STPG2: variants seen among roughly 807,000 people sequenced by gnomAD.
STPG2 encodes sperm tail PG-rich repeat containing 2, also known as sperm-tail PG-rich repeat-containing protein 2.
In STPG2, 56 loss-of-function variants were observed where a neutral mutation model predicts 54.2. That is an observed-to-expected ratio of 1.03 (90% CI 0.83 to 1.29). STPG2 has a LOEUF of 1.29. Among genes scored for constraint, STPG2 ranks in the 50% most tolerant of loss-of-function variants. The probability of loss-of-function intolerance (pLI) is 0.00; values close to 1 mark genes in which losing one functional copy is unlikely to be tolerated. For missense variants in STPG2, 596 were observed against 544.9 expected (o/e 1.09, Z -0.93); for synonymous variants, 200 against 181.8 (o/e 1.10, Z -0.81).
At chr4:98,084,415 G>A (rs1290340492) in intron 5 of STPG2, among the ~76,000 whole-genome samples, 1 of 152,126 alleles carries the variant, frequency 6.6e-6, no homozygotes, top group Non-Finnish European at 1.5e-5. Flanking sequence ...AAATAAAGCT[G>A]CCATGAAAAT....
chr4:97,981,835 A>T (rs1293165292), intron 5 of STPG2, among the ~76,000 whole-genome samples: 2 of 49,346 alleles, frequency 4.1e-5, no homozygotes, highest in African/African-American at 1.7e-4. Context: ...TAAAATGTTT[A>T]TATATATATA....
intron 5 of STPG2, among the ~76,000 whole-genome samples, chr4:98,012,411 T>C (rs997433392): frequency 2.0e-5 from 3 of 152,206 alleles, no homozygotes; most frequent in Admixed American, 2.0e-4. Flanking sequence ...TCTTTTTGCT[T>C]AGGATTGTCT....
At chr4:97,895,533 C>G (rs140573538) in intron 8 of STPG2, among the ~76,000 whole-genome samples, 2 of 151,740 alleles carry the variant, frequency 1.3e-5, no homozygotes, top group African/African-American at 2.4e-5. Flanking sequence ...CAATGGTTTG[C>G]ATGATTCCCT....
At chr4:98,048,047 A>G (rs1737193942) in intron 5 of STPG2, among the ~76,000 whole-genome samples, 1 of 152,172 alleles carries the variant, frequency 6.6e-6, no homozygotes, top group South Asian at 2.1e-4. Flanking sequence ...AAACTATACA[A>G]GTGACTACCA....
chr4:97,572,523 C>A (rs989292460), intron 10 of STPG2: 1 of 152,052 alleles, frequency 6.6e-6, no homozygotes, highest in Non-Finnish European at 1.5e-5. Flanking sequence ...TAAATGACAT[C>A]TTGTATGTTT....
intron 9 of STPG2, among the ~76,000 whole-genome samples, chr4:97,818,839 T>G (rs1442608909): frequency 1.3e-5 from 2 of 151,358 alleles, no homozygotes; most frequent in Non-Finnish European, 3.0e-5. Flanking sequence ...CTGTGTACTA[T>G]ACATGGAATA....
chr4:97,444,933 A>G (rs1290475681), intron 4 of STPG2, among the ~76,000 whole-genome samples: 1 of 152,132 alleles, frequency 6.6e-6, no homozygotes, highest in Admixed American at 6.6e-5. Context: ...GCTACTCAGG[A>G]GGCTGAGGCA....
chr4:97,901,000 G>T (rs929577023), intron 8 of STPG2, among the ~76,000 whole-genome samples: 1 of 151,648 alleles, frequency 6.6e-6, no homozygotes, highest in Non-Finnish European at 1.5e-5. Flanking sequence ...TGCAAATCAG[G>T]CAACACTCAA....
At chr4:97,561,741 A>G (rs549383455) in intron 10 of STPG2, among the ~76,000 whole-genome samples, 1 of 152,340 alleles carries the variant, frequency 6.6e-6, no homozygotes, top group South Asian at 2.1e-4. Flanking sequence ...GTCAAAGATC[A>G]GATAGTTGTA....
intron 8 of STPG2, among the ~76,000 whole-genome samples, chr4:97,891,462 A>G (rs1378301332): frequency 6.6e-6 from 1 of 152,080 alleles, no homozygotes; most frequent in Non-Finnish European, 1.5e-5. Flanking sequence ...TTTAAGAAAT[A>G]AAGCTTTATT....
intron 8 of STPG2, among the ~76,000 whole-genome samples, chr4:97,923,335 C>T (rs1161139455): frequency 6.6e-6 from 1 of 150,500 alleles, no homozygotes; most frequent in East Asian, 2.0e-4. Flanking sequence ...TGTGGCCCAC[C>T]TCCCCGACAA....
intron 9 of STPG2, among the ~76,000 whole-genome samples, chr4:97,731,240 G>A (rs951072155): frequency 1.3e-5 from 2 of 152,092 alleles, no homozygotes; most frequent in African/African-American, 2.4e-5. Flanking sequence ...TAGTCAATTG[G>A]CTTTGTTTCT....
At chr4:97,773,803 C>A (rs529709361) in intron 9 of STPG2, among the ~76,000 whole-genome samples, 1 of 152,168 alleles carries the variant, frequency 6.6e-6, no homozygotes, top group African/African-American at 2.4e-5. Context: ...CAATGCCCCA[C>A]CCCTAAATTT....
chr4:97,894,697 C>T (rs576088240), intron 8 of STPG2, among the ~76,000 whole-genome samples: 29 of 151,914 alleles, frequency 1.9e-4, no homozygotes, highest in African/African-American at 4.6e-4. Flanking sequence ...TACTAGTTTA[C>T]GTGTCTAAAT....
At chr4:97,746,945 C>T (rs542214209) in intron 9 of STPG2, among the ~76,000 whole-genome samples, 1 of 149,076 alleles carries the variant, frequency 6.7e-6, no homozygotes, top group South Asian at 2.1e-4. Context: ...ATGCTAAATG[C>T]ATAAATGAAT....
intron 9 of STPG2, among the ~76,000 whole-genome samples, chr4:97,811,867 T>A (rs1354953928): frequency 6.6e-6 from 1 of 152,126 alleles, no homozygotes; most frequent in South Asian, 2.1e-4. Flanking sequence ...TATTCAAAAT[T>A]ACTTTAAAAC....
intron 10 of STPG2, among the ~76,000 whole-genome samples, chr4:97,579,277 T>C (rs1255400384): frequency 6.6e-6 from 1 of 152,048 alleles, no homozygotes; most frequent in Non-Finnish European, 1.5e-5. Context: ...TGAATACACA[T>C]ACATACACAC....
At chr4:98,126,936 A>C (rs1229514636) in intron 3 of STPG2, among the ~76,000 whole-genome samples, 1 of 152,026 alleles carries the variant, frequency 6.6e-6, no homozygotes, top group Non-Finnish European at 1.5e-5. Flanking sequence ...CAAAATATTA[A>C]ATTATTTTTT....
At chr4:97,542,975 G>A (rs186579438) in intron 4 of STPG2, among the ~76,000 whole-genome samples, 13 of 151,980 alleles carry the variant, frequency 8.6e-5, no homozygotes, top group Middle Eastern at 3.2e-3. Context: ...GGCCTGTTGT[G>A]GGGTGGGGAG....
Sources: gnomAD v4.1 joint callset for allele counts (sites outside exome capture counted in the v4.1 genomes callset) on GRCh38, gnomAD v4.1.1 for gene constraint, MANE v1.5 for transcripts, NCBI Gene and HGNC (gene_info 2026-07-23, HGNC 2026-07-21) for gene names.